The following MEGF8 variants were observed in gnomAD, a reference collection of about 807,000 sequenced individuals.
MEGF8 encodes multiple EGF like domains 8.
Under a neutral mutation model 302.9 loss-of-function variants are expected in MEGF8, and 156 were observed. The ratio of observed to expected loss-of-function variants is 0.52; its 90% confidence interval spans 0.45 to 0.59. MEGF8 has a LOEUF of 0.59. Among genes scored for constraint, MEGF8 ranks in the 20% least tolerant of loss-of-function variants. MEGF8 has a pLI of 0.00. For missense variants in MEGF8, 3,345 were observed against 3,964.5 expected, an observed-to-expected ratio of 0.84 and a Z score of 4.20; for synonymous variants, 1,621 against 1,660.5, an observed-to-expected ratio of 0.98 and a Z score of 0.58.
chr19:42,337,050 G>T, intron 7 of MEGF8, 34 bp from the exon 8 acceptor site: 1 of 1,613,260 alleles, frequency 6.2e-7, no homozygotes, highest in South Asian at 1.1e-5. Context: ...CCTCCCCTAG[G>T]CTTGCCAGCT....
Position 42,369,739 on chromosome 19 carries a change from C to G in MEGF8, c.6834+16C>G. On this transcript the variant is annotated intron_variant, in intron 38 of 41. Transcript: ENST00000251268. The surrounding 1 kb of genome is among the most constrained non-coding windows in gnomAD (Gnocchi z 5.7). ...CCACACCAAGGTGGGCCGCCCGGAG[C>G]CTCAGACCCCCGACCCTGGGACCCA... 6.3e-7 allele frequency: 1 copy of G among 1,584,212 alleles called. No individual in the cohort carries two copies. Among genetic ancestry groups the G allele is most frequent in the African/African-American group, 1.3e-5 (1 of 74,396 alleles).
At chr19:42,326,477 T>C in intron 1 of MEGF8, 47 bp downstream of exon 1, 1 of 1,488,636 alleles carries the variant, frequency 6.7e-7, no homozygotes, top group Non-Finnish European at 8.9e-7. Context: ...GGTAGTTCAT[T>C]CATGTGTGCA....
Position 42,358,831 on chromosome 19 carries a change from C to G in MEGF8, c.5220C>G (p.Gly1740=). Residue 1740 remains glycine, a synonymous_variant, in exon 30 of 42, where the codon GGC becomes GGG. Coordinates refer to ENST00000251268, the MANE Select transcript of MEGF8 (RefSeq NM_001271938.2). This position sits in a 1 kb window ranked among gnomAD's most constrained non-coding sequence, Gnocchi z 4.4. Reference sequence around the variant, plus strand: ...TGCGTGGCTCATCTCGGGGTCTGGGCCAAGTTCCTGGGGAGCAGCCTGGGT... The same window carrying G: ...TGCGTGGCTCATCTCGGGGTCTGGGGCAAGTTCCTGGGGAGCAGCCTGGGT... ...RNVRGSSRGL[G]QVPGEQPGSW... 1 of 1,598,508 alleles carries G rather than the reference C, an allele frequency of 6.3e-7. No individual in the cohort carries two copies. The highest frequency in any genetic ancestry group is 8.5e-7 in the Non-Finnish European group (1 of 1,173,282).
intron 41 of MEGF8, 52 bp downstream of exon 41, chr19:42,371,534 T>C: frequency 6.2e-7 from 1 of 1,609,798 alleles, no homozygotes; most frequent in South Asian, 1.1e-5. Context: ...CTTGTGGAGG[T>C]CAGGGCTGGG....
In MEGF8 at chr19:42,326,324, G is replaced by T. The variant is rs764516595; in HGVS notation, c.81G>T (p.Ala27=). Reference sequence around the variant, plus strand: ...GGTCGCTGTCCCCTGGGGCCCGGGCGGGGGACTGCAAGGGGCAGCGGCAGG... The same window carrying T: ...GGTCGCTGTCCCCTGGGGCCCGGGCTGGGGACTGCAAGGGGCAGCGGCAGG... ...VLGSLSPGAR[A]GDCKGQRQVL... is the part of the protein sequence containing the mutation. The change falls in exon 1 of 42, where the codon GCG becomes GCT. Residue 27 remains alanine, a synonymous_variant. Transcript: ENST00000251268. The T allele has an allele frequency of 6.4e-7, 1 of 1,569,300 alleles. No individual in the cohort carries two copies. The highest frequency in any genetic ancestry group is 8.6e-7 in the Non-Finnish European group (1 of 1,163,610).
At position 42,348,397 on chromosome 19, in the gene MEGF8, C is replaced by T. The variant is rs34922891; in HGVS notation, c.2223C>T (p.Asp741=). 88,755 of 1,536,950 alleles carry T rather than the reference C, an allele frequency of 0.058. 3,414 individuals carry two copies. Among genetic ancestry groups the T allele is most frequent in the Middle Eastern group, 0.17 (1,007 of 5,990 alleles). ...GGCCAGGTGGACCAGGGGCTGAGGA[C>T]GTGGCCGTGTGGACGCGGGCCCAGC... ...PGGPGGPGAE[D]VAVWTRAQRL... The change falls in exon 13 of 42, where the codon GAC becomes GAT. Residue 741 remains aspartate (D), a synonymous_variant. Transcript: ENST00000251268.
At chr19:42,335,414 G>A (rs1333484934) in intron 5 of MEGF8, 29 bp downstream of exon 5, 2 of 1,607,728 alleles carry the variant, frequency 1.2e-6, no homozygotes, top group Middle Eastern at 1.7e-4. Context: ...CCCTGGAGGA[G>A]CCTTTCCACT....
At chr19:42,373,290 A>C (rs1228846886) in intron 41 of MEGF8, among the ~76,000 whole-genome samples, 1 of 150,396 alleles carries the variant, frequency 6.6e-6, no homozygotes, top group East Asian at 2.0e-4. Context: ...ACAGGGTTTC[A>C]CCATGTTGGC....
intron 15 of MEGF8, 133 bp downstream of exon 15, chr19:42,350,517 T>A: frequency 1.3e-6 from 1 of 784,340 alleles, no homozygotes; most frequent in Non-Finnish European, 2.0e-6. Context: ...CAGAGCCTGG[T>A]GGGGAGGGTG....
In MEGF8 at chr19:42,353,673, C is replaced by A; in HGVS notation, c.3759C>A (p.Pro1253=). 6.3e-7 allele frequency: 1 copy of A among 1,576,670 alleles called. No homozygotes were observed. Among genetic ancestry groups the A allele is most frequent in the East Asian group, 2.3e-5 (1 of 43,682 alleles). Residue 1253 remains proline (P), a splice_region_variant and synonymous_variant, in exon 21 of 42, where the codon CCC becomes CCA. Coordinates refer to ENST00000251268, the MANE Select transcript of MEGF8 (RefSeq NM_001271938.2). This position sits in a 1 kb window ranked among gnomAD's most constrained non-coding sequence, Gnocchi z 6.1. ...GCTCCCCAGGCTATTATGGGGATCC[C>A]CGGTGAGCCAACGGGCCAGCCAGGG... ...QLCSPGYYGD[P]RAGGSCFREC...
chr19:42,355,244 G>T (rs1270408409), intron 23 of MEGF8, among the ~76,000 whole-genome samples: 1 of 151,222 alleles, frequency 6.6e-6, no homozygotes, highest in Non-Finnish European at 1.5e-5. Flanking sequence ...GACATAAGCT[G>T]CTGCGCCCGG....
rs1164702586 is a variant in MEGF8, at chr19:42,325,842, G to GGCC, written c.-400_-398dup. 14 of 172,496 alleles carry GGCC rather than the reference G, an allele frequency of 8.1e-5. No individual in the cohort carries two copies. The highest frequency in any genetic ancestry group is 1.6e-4 in the Non-Finnish European group (13 of 82,028). The allele number at this position is 172,496 out of a possible 1,614,324, so 10.7% of individuals were successfully genotyped here. On this transcript the variant is annotated 5_prime_UTR_variant, in exon 1 of 42. Coordinates refer to ENST00000251268, the MANE Select transcript of MEGF8 (RefSeq NM_001271938.2). ...GCAGCCTCTATGGAGGCTCCTGCCG[G>GGCC]GCCGTAGAGCCCTTCGCCCCCTGGG...
chr19:42,358,250 C>T lies in MEGF8; in HGVS notation c.5118C>T (p.Tyr1706=), dbSNP rs190043758. The part of the protein sequence containing the change: ...VELAAPSPEL[Y]SLHCPDRTWS... ...TGGCGGCCCCATCCCCCGAGCTCTA[C>T]TCCCTGCACTGTCCTGACCGCACCT... is the stretch of plus-strand genomic sequence containing the variant. The change falls in exon 29 of 42, where the codon TAC becomes TAT. Residue 1706 remains tyrosine, a synonymous_variant. Coordinates refer to ENST00000251268, the MANE Select transcript of MEGF8 (RefSeq NM_001271938.2). The surrounding 1 kb of genome is among the most constrained non-coding windows in gnomAD (Gnocchi z 4.4). 6.2e-6 allele frequency: 10 copies of T among 1,605,486 alleles called. No individual in the cohort carries two copies. In the Admixed American group the frequency reaches 6.8e-5, roughly 11 times the overall value.
chr19:42,366,540 G>T (rs2039609215), intron 35 of MEGF8, among the ~76,000 whole-genome samples: 1 of 152,160 alleles, frequency 6.6e-6, no homozygotes, highest in African/African-American at 2.4e-5. Context: ...TGAGTCTGGG[G>T]CAGGCAGCGG....
At chr19:42,339,397 A>G (rs556622221) in intron 8 of MEGF8, among the ~76,000 whole-genome samples, 1 of 152,240 alleles carries the variant, frequency 6.6e-6, no homozygotes, top group Admixed American at 6.5e-5. Flanking sequence ...TGACTTTTTG[A>G]TAATAGCCAT....
At chr19:42,364,872 A>G (rs1438574811) in intron 35 of MEGF8, among the ~76,000 whole-genome samples, 2 of 152,234 alleles carry the variant, frequency 1.3e-5, no homozygotes, top group Admixed American at 6.5e-5. Flanking sequence ...GAATTTACTT[A>G]GAGCATAGAG....
chr19:42,336,787 C>T lies in MEGF8; in HGVS notation c.1245-20C>T, dbSNP rs1205924170. 14 of 1,564,982 alleles carry T rather than the reference C, an allele frequency of 8.9e-6. No individual in the cohort carries two copies. The highest frequency in any genetic ancestry group is 1.2e-5 in the Non-Finnish European group (14 of 1,156,626). On this transcript the variant is annotated intron_variant, in intron 6 of 41. Transcript: ENST00000251268. This position sits in a 1 kb window ranked among gnomAD's most constrained non-coding sequence, Gnocchi z 4.8. ...AGACGCTTCCTGCCCTGAGCCCCTG[C>T]CCTGCTTCTCCTTCGGTAGGTTCTC...
At position 42,349,793 on chromosome 19, in the gene MEGF8, C is replaced by T. The variant is rs961344860; in HGVS notation, c.2499+94C>T. Reference sequence around the variant, plus strand: ...ACCCCAGGCCACAAACTCTGAAATCCCTAGATTCTGGCCTCGGACTCCTTA... The same window carrying T: ...ACCCCAGGCCACAAACTCTGAAATCTCTAGATTCTGGCCTCGGACTCCTTA... On this transcript the variant is annotated intron_variant, in intron 14 of 41. Coordinates refer to ENST00000251268, the MANE Select transcript of MEGF8 (RefSeq NM_001271938.2). The T allele has an allele frequency of 1.6e-5, 21 of 1,349,506 alleles. No individual in the cohort carries two copies. The African/African-American group carries it at 2.6e-4, about 17-fold the overall frequency. 83.6% of individuals were successfully genotyped at this position (1,349,506 alleles called of 1,614,324 possible). A position where few individuals can be genotyped will look rare whatever the true frequency, so the allele number is the denominator to read the frequency against.
At chr19:42,338,995 G>A (rs1048107344) in intron 8 of MEGF8, among the ~76,000 whole-genome samples, 5 of 151,078 alleles carry the variant, frequency 3.3e-5, no homozygotes, top group East Asian at 1.9e-4. Flanking sequence ...CACCACAGCC[G>A]GCTAATTTTT....
Sources: allele counts gnomAD v4.1 joint callset (sites outside exome capture counted in the v4.1 genomes callset), GRCh38; gene constraint gnomAD v4.1.1; non-coding constraint Gnocchi (gnomAD v3.1); transcripts MANE v1.5; gene names NCBI Gene and HGNC (gene_info 2026-07-23, HGNC 2026-07-21).